The following PBX4 variants were observed in gnomAD, a reference collection of about 807,000 sequenced individuals.
PBX4 encodes PBX homeobox 4.
PBX4 carries 26 observed loss-of-function variants against 35.1 expected under a neutral mutation model. The observed-to-expected ratio is 0.74, with a 90% CI of 0.54 to 1.03. The LOEUF (loss-of-function observed/expected upper bound fraction) is 1.03, where lower values mean the gene tolerates loss of function less well. Ranked by LOEUF, PBX4 falls within the 50% of genes least tolerant of loss-of-function variation. The pLI is 0.00. For missense variants in PBX4, 448 were observed against 504.3 expected (o/e 0.89, Z 1.07); for synonymous variants, 199 against 204.2 (o/e 0.97, Z 0.22).
At chr19:19,592,584 C>T (rs544637393) in intron 2 of PBX4, among the ~76,000 whole-genome samples, 24 of 152,294 alleles carry the variant, frequency 1.6e-4, no homozygotes, top group Admixed American at 4.6e-4. Flanking sequence ...TGGAGGACCA[C>T]GTTCTTTTCA....
chr19:19,608,990 T>C (rs1891322724), intron 1 of PBX4, among the ~76,000 whole-genome samples: 1 of 152,192 alleles, frequency 6.6e-6, no homozygotes, highest in Non-Finnish European at 1.5e-5. Flanking sequence ...AATACATGTT[T>C]ATTGAGTAGA....
At chr19:19,590,917 A>C (rs2061524351) in intron 2 of PBX4, among the ~76,000 whole-genome samples, 1 of 152,214 alleles carries the variant, frequency 6.6e-6, no homozygotes, top group Admixed American at 6.5e-5. Flanking sequence ...AGGAGGCACC[A>C]GCCCTGTGTG....
At chr19:19,578,626 T>G (rs2061435311) in intron 2 of PBX4, among the ~76,000 whole-genome samples, 1 of 152,208 alleles carries the variant, frequency 6.6e-6, no homozygotes, top group Non-Finnish European at 1.5e-5. Context: ...ACTGCCAGGC[T>G]TCCTTCTGTT....
chr19:19,611,417 A>G (rs946241108), intron 1 of PBX4, among the ~76,000 whole-genome samples: 1 of 152,178 alleles, frequency 6.6e-6, no homozygotes, highest in Admixed American at 6.5e-5. Flanking sequence ...ATGGTGGCTC[A>G]CACCTGTAAT....
intron 2 of PBX4, among the ~76,000 whole-genome samples, chr19:19,577,324 T>C (rs993411769): frequency 6.6e-6 from 1 of 152,162 alleles, no homozygotes; most frequent in Admixed American, 6.6e-5. Context: ...CTTGAAAAAG[T>C]GCATAATCTT....
intron 2 of PBX4, among the ~76,000 whole-genome samples, chr19:19,576,896 G>A (rs1445144845): frequency 6.6e-6 from 1 of 151,802 alleles, no homozygotes; most frequent in African/African-American, 2.4e-5. Flanking sequence ...TTATAGTTGT[G>A]AGCCACCACA....
chr19:19,602,989 C>T (rs555712147), intron 1 of PBX4, among the ~76,000 whole-genome samples: 1 of 152,190 alleles, frequency 6.6e-6, no homozygotes, highest in Non-Finnish European at 1.5e-5. Context: ...AGCACAGAGC[C>T]TGCCAAAATT....
intron 2 of PBX4, among the ~76,000 whole-genome samples, chr19:19,574,847 TACA>T (rs899795014): frequency 2.0e-5 from 3 of 151,988 alleles, no homozygotes; most frequent in Admixed American, 6.6e-5. Flanking sequence ...GTTTATTGAT[TACA>T]ACGTTTGTAT....
intron 1 of PBX4, among the ~76,000 whole-genome samples, chr19:19,612,950 C>G (rs959294132): frequency 8.6e-5 from 13 of 151,836 alleles, no homozygotes; most frequent in African/African-American, 3.1e-4. Context: ...TCCTCAGTAG[C>G]TGACACATAC....
At chr19:19,578,276 G>A (rs1200966296) in intron 2 of PBX4, among the ~76,000 whole-genome samples, 1 of 152,094 alleles carries the variant, frequency 6.6e-6, no homozygotes, top group East Asian at 1.9e-4. Flanking sequence ...GAGAAACGCT[G>A]TGCCTTGGTC....
In PBX4 at chr19:19,561,899, A is replaced by AG; in HGVS notation, c.*125dup. On this transcript the variant is annotated 3_prime_UTR_variant, in exon 8 of 8. Transcript: ENST00000251203. ...GGCGCCACGGGCCTGGCTGAGGAGC[A>AG]GGGGCTCATGGGCACCACCACCCAT... 1 of 725,278 alleles carries AG rather than the reference A, an allele frequency of 1.4e-6. No homozygotes were observed. The highest frequency in any genetic ancestry group is 2.0e-5 in the South Asian group (1 of 49,778). 44.9% of individuals were successfully genotyped at this position (725,278 alleles called of 1,614,324 possible). A position where few individuals can be genotyped will look rare whatever the true frequency, so the allele number is the denominator to read the frequency against.
chr19:19,565,982 C>T (rs556573002), intron 5 of PBX4, among the ~76,000 whole-genome samples: 1 of 151,886 alleles, frequency 6.6e-6, no homozygotes, highest in Non-Finnish European at 1.5e-5. Context: ...AGGCTGGTCT[C>T]AAACCCCTGG....
chr19:19,563,426 A>T lies in PBX4; in HGVS notation c.1032+83T>A. 1 of 1,169,012 alleles carries T rather than the reference A, an allele frequency of 8.6e-7. No homozygotes were observed. Among genetic ancestry groups the T allele is most frequent in the Non-Finnish European group, 1.2e-6 (1 of 837,696 alleles). 72.4% of individuals were successfully genotyped at this position (1,169,012 alleles called of 1,614,324 possible). On this transcript the variant is annotated intron_variant, in intron 7 of 7. Coordinates refer to ENST00000251203, the MANE Select transcript of PBX4 (RefSeq NM_025245.3). The surrounding 1 kb of genome is among the most constrained non-coding windows in gnomAD (Gnocchi z 5.1). ...TGGGACCTCTGGGGAAGCTGCCCCAAGGCCGAGGGGTGGCTGACAAGACGA... is the reference window on the plus strand; with the variant it reads ...TGGGACCTCTGGGGAAGCTGCCCCATGGCCGAGGGGTGGCTGACAAGACGA...
Position 19,561,944 on chromosome 19 carries a change from C to G in PBX4, c.*81G>C. 1 of 1,269,744 alleles carries G rather than the reference C, an allele frequency of 7.9e-7. No homozygotes were observed. The highest frequency in any genetic ancestry group is 1.4e-5 in the South Asian group (1 of 70,690). 78.7% of individuals were successfully genotyped at this position (1,269,744 alleles called of 1,614,324 possible). On this transcript the variant is annotated 3_prime_UTR_variant, in exon 8 of 8. Coordinates refer to ENST00000251203, the MANE Select transcript of PBX4 (RefSeq NM_025245.3). ...ACCCATCTGGGTTTTCTGAGGTCGT[C>G]GGCGGCACGTTCAGTAACAAAGCAA...
intron 2 of PBX4, among the ~76,000 whole-genome samples, chr19:19,576,478 C>A (rs2061420247): frequency 6.6e-6 from 1 of 152,136 alleles, no homozygotes; most frequent in African/African-American, 2.4e-5. Flanking sequence ...CGCACCTTGA[C>A]CTCCCAAAGT....
chr19:19,572,115 C>A (rs1245112362), intron 2 of PBX4, among the ~76,000 whole-genome samples: 2 of 118,650 alleles, frequency 1.7e-5, no homozygotes, highest in Admixed American at 1.0e-4. Context: ...CATTCTGTCA[C>A]CTAGGCTGGG....
chr19:19,591,027 A>G (rs2061525008), intron 2 of PBX4, among the ~76,000 whole-genome samples: 1 of 152,110 alleles, frequency 6.6e-6, no homozygotes, highest in Non-Finnish European at 1.5e-5. Context: ...TGCGTTGAGT[A>G]TCTGGAGCCA....
At chr19:19,616,977 T>G (rs903273877) in intron 1 of PBX4, among the ~76,000 whole-genome samples, 1 of 152,098 alleles carries the variant, frequency 6.6e-6, no homozygotes, top group Non-Finnish European at 1.5e-5. Context: ...CCACCGCACC[T>G]GGCCCCAGCC....
At chr19:19,579,089 A>G (rs979951675) in intron 2 of PBX4, among the ~76,000 whole-genome samples, 12 of 151,974 alleles carry the variant, frequency 7.9e-5, no homozygotes, top group African/African-American at 2.7e-4. Flanking sequence ...GGTGGCTCAT[A>G]CCTGTAATCC....
Sources: gnomAD v4.1 joint callset for allele counts (sites outside exome capture counted in the v4.1 genomes callset) on GRCh38, gnomAD v4.1.1 for gene constraint, Gnocchi (gnomAD v3.1) non-coding constraint, MANE v1.5 for transcripts, NCBI Gene and HGNC (gene_info 2026-07-23, HGNC 2026-07-21) for gene names.